The following LIPF variants were observed in gnomAD, a reference collection of about 807,000 sequenced individuals.
LIPF encodes the protein lipase F, gastric type.
In LIPF, 25 loss-of-function variants were observed where a neutral mutation model predicts 38.0. The observed-to-expected ratio is 0.66, with a 90% CI of 0.48 to 0.92. The LOEUF is 0.92. LIPF is among the 40% of genes least tolerant of loss of function. LIPF has a pLI of 0.00. For synonymous variants in LIPF, 161 were observed against 156.2 expected (o/e 1.03, Z -0.23); for missense variants, 410 against 469.9 (o/e 0.87, Z 1.18).
chr10:88,667,839 C>T (rs977119748), intron 3 of LIPF, among the ~76,000 whole-genome samples, 153 bp downstream of exon 3: 2 of 151,884 alleles, frequency 1.3e-5, no homozygotes, highest in African/African-American at 4.8e-5. Flanking sequence ...TAATGTCTTG[C>T]TCATTCTGGA....
At chr10:88,674,536 G>A (rs554449951) in intron 7 of LIPF, among the ~76,000 whole-genome samples, 3 of 152,228 alleles carry the variant, frequency 2.0e-5, no homozygotes, top group African/African-American at 7.2e-5. Flanking sequence ...AAAACATATG[G>A]ACAAAATACA....
intron 9 of LIPF, 38 bp from the exon 10 acceptor site, chr10:88,678,407 G>C: frequency 6.9e-7 from 1 of 1,445,384 alleles, no homozygotes; most frequent in East Asian, 2.3e-5. Flanking sequence ...TTAAAGTGTG[G>C]TTACCTAAAC....
Position 88,673,712 on chromosome 10 carries a change from T to C in LIPF, c.794T>C (p.Phe265Ser), listed in dbSNP as rs778445903. The C allele has an allele frequency of 6.2e-7, 1 of 1,613,276 alleles. No homozygotes were observed. The highest frequency in any genetic ancestry group is 1.1e-5 in the South Asian group (1 of 90,896). Residue 265 changes from phenylalanine to serine, a missense_variant, in exon 7 of 10, where the codon TTT (phenylalanine) becomes TCT (serine). Phe to Ser is a radical substitution (Grantham distance 155). Coordinates refer to ENST00000238983, the MANE Select transcript of LIPF (RefSeq NM_004190.4). ...CSNALFIICG[F>S]DSKNFNTSRL... ...AATGCCTTATTTATAATTTGTGGATTTGACAGTAAGAACTTTAACACGGTT... is the reference window on the plus strand; with the variant it reads ...AATGCCTTATTTATAATTTGTGGATCTGACAGTAAGAACTTTAACACGGTT...
In LIPF at chr10:88,665,693, C is replaced by G. The variant is rs927576710; in HGVS notation, c.-12+1202C>G. ...TTAGTCTTTATATATTAGTTTATCTCTTCCTAAAATATCACGGTAAAAACA... is the reference window on the plus strand; with the variant it reads ...TTAGTCTTTATATATTAGTTTATCTGTTCCTAAAATATCACGGTAAAAACA... On this transcript the variant is annotated intron_variant, in intron 1 of 9. Transcript: ENST00000238983. 5.2e-6 allele frequency: 3 copies of G among 573,760 alleles called. No homozygotes were observed. In the African/African-American group the frequency reaches 5.7e-5, roughly 11 times the overall value. The allele number at this position is 573,760 out of a possible 1,614,324, so 35.5% of individuals were successfully genotyped here. A position where few individuals can be genotyped will look rare whatever the true frequency, so the allele number is the denominator to read the frequency against.
intron 7 of LIPF, among the ~76,000 whole-genome samples, chr10:88,675,060 G>A (rs1841664373): frequency 6.6e-6 from 1 of 152,180 alleles, no homozygotes; most frequent in Non-Finnish European, 1.5e-5. Flanking sequence ...AGTCTCCAAT[G>A]AAGATGGCCA....
At chr10:88,668,516 A>G in intron 3 of LIPF, 42 bp from the exon 4 acceptor site, 1 of 1,555,840 alleles carries the variant, frequency 6.4e-7, no homozygotes, top group Non-Finnish European at 8.9e-7. Flanking sequence ...ATCCTAGAAT[A>G]AGGAATACAT....
rs187276187 is a variant in LIPF, at chr10:88,668,449, A to T, written c.224-109A>T. ...AAGATATTCAAAAATAATCAACTCA[A>T]TCAGGCAAATGTATTTAGTGCTAGT... On this transcript the variant is annotated intron_variant, in intron 3 of 9. Transcript: ENST00000238983. The T allele has an allele frequency of 2.5e-5, 23 of 912,344 alleles. No individual in the cohort carries two copies. In the African/African-American group the frequency reaches 3.4e-4, roughly 13 times the overall value. The allele number at this position is 912,344 out of a possible 1,614,324, so 56.5% of individuals were successfully genotyped here.
At chr10:88,673,290 T>A (rs147091378) in intron 6 of LIPF, among the ~76,000 whole-genome samples, 122 of 152,318 alleles carry the variant, frequency 8.0e-4, no homozygotes, top group Middle Eastern at 3.4e-3. Context: ...TAAGATTTTA[T>A]CCCACAACTC....
At chr10:88,667,503 A>G in intron 2 of LIPF, 66 bp from the exon 3 acceptor site, 3 of 1,054,036 alleles carry the variant, frequency 2.8e-6, no homozygotes, top group South Asian at 2.8e-5. Flanking sequence ...AATAAACAGT[A>G]ATATTCATTT....
intron 1 of LIPF, 115 bp downstream of exon 1, chr10:88,664,606 T>C (rs573477477): frequency 6.5e-6 from 1 of 152,762 alleles, no homozygotes; most frequent in South Asian, 2.1e-4. Context: ...CCTGCATAAA[T>C]GTATCTGTTT....
intron 5 of LIPF, among the ~76,000 whole-genome samples, chr10:88,671,484 G>C (rs17287086): frequency 0.014 from 2,162 of 152,082 alleles, 34 homozygotes; most frequent in Middle Eastern, 0.071. Flanking sequence ...TCATTGTAAT[G>C]AGATACATTT....
intron 9 of LIPF, among the ~76,000 whole-genome samples, chr10:88,678,217 C>A (rs574888138): frequency 6.6e-6 from 1 of 152,190 alleles, no homozygotes; most frequent in East Asian, 1.9e-4. Context: ...ATTTTTACTT[C>A]AACAAGATCT....
chr10:88,669,995 T>C lies in LIPF; in HGVS notation c.532+49T>C, dbSNP rs76983400. On this transcript the variant is annotated intron_variant, in intron 5 of 9. Transcript: ENST00000238983. Reference sequence around the variant, plus strand: ...AGTGGTTTACTTCTCATAAACACTTTCCCAGTGGTTATGGTAGGCATGTTA... The same window carrying C: ...AGTGGTTTACTTCTCATAAACACTTCCCCAGTGGTTATGGTAGGCATGTTA... The C allele has an allele frequency of 1.4e-3, 1,640 of 1,208,550 alleles. 18 individuals are homozygous for C. The African/African-American group carries it at 0.021, about 16-fold the overall frequency. The allele number at this position is 1,208,550 out of a possible 1,614,324, so 74.9% of individuals were successfully genotyped here. A position where few individuals can be genotyped will look rare whatever the true frequency, so the allele number is the denominator to read the frequency against.
intron 1 of LIPF, 105 bp from the exon 2 acceptor site, chr10:88,667,182 A>G: frequency 1.6e-6 from 1 of 613,748 alleles, no homozygotes; most frequent in Non-Finnish European, 2.9e-6. Context: ...ATATAATCAA[A>G]CCCAAGCATT....
chr10:88,674,261 T>G (rs1241797252), intron 7 of LIPF, among the ~76,000 whole-genome samples: 3 of 152,142 alleles, frequency 2.0e-5, no homozygotes, highest in Admixed American at 2.0e-4. Context: ...CTCCGCCTCT[T>G]GGGTTCACGC....
chr10:88,678,067 T>A (rs1841714337), intron 9 of LIPF, among the ~76,000 whole-genome samples: 1 of 152,200 alleles, frequency 6.6e-6, no homozygotes, highest in African/African-American at 2.4e-5. Context: ...TTCCCTTAGC[T>A]TGAGTTGCAA....
chr10:88,672,123 C>G lies in LIPF; in HGVS notation c.669+158C>G, dbSNP rs1012734732. ...GTATTATTTCTTCCATAGCACTGACCATGTTTGAATCTCCTTACAGCCTGC... is the reference window on the plus strand; with the variant it reads ...GTATTATTTCTTCCATAGCACTGACGATGTTTGAATCTCCTTACAGCCTGC... On this transcript the variant is annotated intron_variant, in intron 6 of 9. Coordinates refer to ENST00000238983, the MANE Select transcript of LIPF (RefSeq NM_004190.4). Among the ~76,000 whole-genome samples the G allele has an allele frequency of 2.6e-5, 4 of 152,080 alleles. No individual in the cohort carries two copies. In the South Asian group the frequency reaches 8.3e-4, roughly 32 times the overall value.
At chr10:88,669,736 A>T (rs992382784) in intron 4 of LIPF, 101 bp from the exon 5 acceptor site, 200 of 800,494 alleles carry the variant, frequency 2.5e-4, no homozygotes, top group Non-Finnish European at 4.3e-5. Flanking sequence ...TAGAGAATCC[A>T]GTTTTCTGTA....
intron 4 of LIPF, 34 bp from the exon 5 acceptor site, chr10:88,669,803 T>C (rs1191816780): frequency 7.2e-6 from 10 of 1,385,470 alleles, no homozygotes; most frequent in Non-Finnish European, 1.0e-5. Flanking sequence ...AGCAAGGAAA[T>C]GTATTCACTT....
Sources: allele counts gnomAD v4.1 joint callset (sites outside exome capture counted in the v4.1 genomes callset), GRCh38; gene constraint gnomAD v4.1.1; transcripts MANE v1.5; gene names NCBI Gene and HGNC (gene_info 2026-07-23, HGNC 2026-07-21).